The following CEP57 variants were observed in gnomAD, a reference collection of about 807,000 sequenced individuals.
CEP57 encodes the protein centrosomal protein of 57 kDa.
CEP57 carries 40 observed loss-of-function variants against 68.0 expected under a neutral mutation model. The ratio of observed to expected loss-of-function variants is 0.59; its 90% CI spans 0.46 to 0.77. The LOEUF is 0.77. Among genes scored for constraint, CEP57 ranks in the 30% least tolerant of loss-of-function variants. CEP57 has a pLI of 0.00. For missense variants in CEP57, 606 were observed against 580.7 expected, an observed-to-expected ratio of 1.04 and a Z score of -0.45; for synonymous variants, 219 against 198.7, an observed-to-expected ratio of 1.10 and a Z score of -0.86.
At chr11:95,791,682 G>C (rs1353250389) in intron 1 of CEP57, among the ~76,000 whole-genome samples, 5 of 152,210 alleles carry the variant, frequency 3.3e-5, no homozygotes, top group African/African-American at 1.2e-4. Flanking sequence ...GTGATTAACA[G>C]TGCTTGGGTA....
Position 95,822,252 on chromosome 11 carries a change from A to G in CEP57, c.808-247A>G, listed in dbSNP as rs1162673799. 5 of 579,442 alleles carry G rather than the reference A, an allele frequency of 8.6e-6. No individual in the cohort carries two copies. The East Asian group carries it at 1.5e-4, about 17-fold the overall frequency. The allele number at this position is 579,442 out of a possible 1,614,324, so 35.9% of individuals were successfully genotyped here. A position where few individuals can be genotyped will look rare whatever the true frequency, so the allele number is the denominator to read the frequency against. ...TGTGCTCTTACAATGTTTTGTGTAT[A>G]TGTATACTGATTTTCTACTTAGAAT... On this transcript the variant is annotated intron_variant, in intron 7 of 10. Coordinates refer to ENST00000325542, the MANE Select transcript of CEP57 (RefSeq NM_014679.5).
chr11:95,812,766 TA>T, intron 2 of CEP57, 165 bp from the exon 3 acceptor site: 2 of 697,990 alleles, frequency 2.9e-6, no homozygotes, highest in Non-Finnish European at 5.0e-6. Flanking sequence ...ATTGATTTTT[TA>T]AAAAACAAAT....
chr11:95,791,095 C>T (rs1861038309), intron 1 of CEP57, among the ~76,000 whole-genome samples: 1 of 152,208 alleles, frequency 6.6e-6, no homozygotes, highest in African/African-American at 2.4e-5. Flanking sequence ...TCAGCGGCCC[C>T]TCTAGGAAAC....
At chr11:95,794,449 A>G (rs1861246082) in intron 1 of CEP57, 2 of 394,916 alleles carry the variant, frequency 5.1e-6, no homozygotes, top group Non-Finnish European at 5.1e-6. Context: ...GTCCTCTTAA[A>G]TGGATGGTAT....
intron 4 of CEP57, among the ~76,000 whole-genome samples, chr11:95,814,355 GTA>G (rs1306095499): frequency 7.4e-6 from 1 of 135,976 alleles, no homozygotes; most frequent in Non-Finnish European, 1.6e-5. Flanking sequence ...GGCCTTGTGT[GTA>G]TTTTTTTTTT....
intron 1 of CEP57, among the ~76,000 whole-genome samples, chr11:95,793,507 G>C (rs1565307669): frequency 6.6e-6 from 1 of 151,918 alleles, no homozygotes; most frequent in African/African-American, 2.4e-5. Context: ...TTAAATATAA[G>C]ATTTACTTTT....
intron 2 of CEP57, among the ~76,000 whole-genome samples, chr11:95,808,769 C>T (rs915290916): frequency 6.6e-6 from 1 of 152,082 alleles, no homozygotes; most frequent in Non-Finnish European, 1.5e-5. Context: ...ACTTTAACAC[C>T]CCACTGTCAA....
At chr11:95,794,036 G>T (rs1221907199) in intron 1 of CEP57, among the ~76,000 whole-genome samples, 1 of 152,106 alleles carries the variant, frequency 6.6e-6, no homozygotes, top group Non-Finnish European at 1.5e-5. Context: ...ATATCCAACA[G>T]AGCGAATGCA....
At chr11:95,810,507 A>G (rs1486789442) in intron 2 of CEP57, among the ~76,000 whole-genome samples, 1 of 152,226 alleles carries the variant, frequency 6.6e-6, no homozygotes, top group African/African-American at 2.4e-5. Context: ...GCAAAGTCTC[A>G]GGATACAAAA....
At chr11:95,826,832 C>G (rs1159228002) in intron 8 of CEP57, 2 of 152,136 alleles carry the variant, frequency 1.3e-5, no homozygotes, top group African/African-American at 4.8e-5. Context: ...GAATAGTGGA[C>G]CAGCCTTGCA....
chr11:95,826,811 G>A (rs865901690), intron 8 of CEP57: 4 of 152,134 alleles, frequency 2.6e-5, no homozygotes, highest in Admixed American at 2.6e-4. Flanking sequence ...TGGTTACATC[G>A]ATTGATTTTT....
At chr11:95,816,720 C>G (rs1004047570) in intron 4 of CEP57, among the ~76,000 whole-genome samples, 3 of 152,120 alleles carry the variant, frequency 2.0e-5, no homozygotes, top group African/African-American at 7.2e-5. Flanking sequence ...CAAGTTCAGG[C>G]ACTTTTTACC....
chr11:95,825,930 T>C (rs1346153972), intron 8 of CEP57: 1 of 152,198 alleles, frequency 6.6e-6, no homozygotes. Flanking sequence ...CTTTTGACTT[T>C]TACGACATCG....
chr11:95,822,509 G>T lies in CEP57; in HGVS notation c.818G>T (p.Arg273Met), dbSNP rs377308306. Residue 273 changes from arginine (R) to methionine (M), a missense_variant, in exon 8 of 11, where the codon AGG (arginine) becomes ATG (methionine). By Grantham distance (91) the Arg-to-Met change is moderately conservative. Coordinates refer to ENST00000325542, the MANE Select transcript of CEP57 (RefSeq NM_014679.5). ...KSKPPEKKSSRNYFGAQPHYR... is the reference protein window; with the variant it reads ...KSKPPEKKSSMNYFGAQPHYR... ...TTTCTTTTCATTCAGAAAAGTTCTA[G>T]GAACTATTTTGGTGCACAACCACAT... The T allele has an allele frequency of 1.4e-5, 22 of 1,612,570 alleles. No individual in the cohort carries two copies. In the African/African-American group the frequency reaches 2.4e-4, roughly 18 times the overall value.
At chr11:95,807,663 T>C (rs1199020064) in intron 2 of CEP57, among the ~76,000 whole-genome samples, 1 of 151,976 alleles carries the variant, frequency 6.6e-6, no homozygotes, top group African/African-American at 2.4e-5. Context: ...AAGAGAAGTT[T>C]AGAGAAAAAA....
rs758749076 is a variant in CEP57 at position 95,813,094 on chromosome 11, A to T, written c.365A>T (p.Glu122Val). ...GAAAGGGAGAATTCAAAGAATGAGGAATCAAAGCACAATCAAGGTTTGTTG... is the reference window on the plus strand; with the variant it reads ...GAAAGGGAGAATTCAAAGAATGAGGTATCAAAGCACAATCAAGGTTTGTTG... ...IQERENSKNE[E>V]SKHNQELTSQ... The change falls in exon 3 of 11, where the codon GAA becomes GTA. Residue 122 changes from glutamate to valine, a missense_variant. Glu to Val is a moderately radical substitution (Grantham distance 121). Transcript: ENST00000325542. The T allele has an allele frequency of 5.0e-6, 8 of 1,612,884 alleles. No individual in the cohort carries two copies. The South Asian group carries it at 7.7e-5, about 16-fold the overall frequency.
chr11:95,805,004 T>C (rs370970516), intron 2 of CEP57, among the ~76,000 whole-genome samples: 6 of 152,282 alleles, frequency 3.9e-5, no homozygotes, highest in African/African-American at 1.4e-4. Flanking sequence ...AAAACAAAAG[T>C]GCACACCCCA....
At chr11:95,813,370 T>G in intron 3 of CEP57, 98 bp from the exon 4 acceptor site, 1 of 1,438,786 alleles carries the variant, frequency 7.0e-7, no homozygotes, top group South Asian at 1.2e-5. Context: ...TGGAAGGTGT[T>G]TTTATTGTAT....
At chr11:95,803,565 C>T (rs1313017391) in intron 2 of CEP57, among the ~76,000 whole-genome samples, 1 of 122,980 alleles carries the variant, frequency 8.1e-6, no homozygotes, top group Admixed American at 9.2e-5. Flanking sequence ...GCCCCTGCCC[C>T]CCCGCCCCTT....
Sources: allele counts gnomAD v4.1 joint callset (sites outside exome capture counted in the v4.1 genomes callset), GRCh38; gene constraint gnomAD v4.1.1; transcripts MANE v1.5; gene names NCBI Gene and HGNC (gene_info 2026-07-23, HGNC 2026-07-21).